HIVEP2: variants seen among roughly 807,000 people sequenced by gnomAD.
HIVEP2 encodes HIVEP zinc finger 2, also known as transcription factor HIVEP2.
A neutral mutation model predicts 180.7 loss-of-function variants in HIVEP2; 14 were observed. That is an observed-to-expected ratio of 0.08 (90% confidence interval 0.05 to 0.12). The LOEUF (loss-of-function observed/expected upper bound fraction) is 0.12. Ranked by LOEUF, HIVEP2 falls within the 10% of genes least tolerant of loss-of-function variation. HIVEP2 has a pLI of 1.00. For missense variants in HIVEP2, 2,579 were observed against 3,008.5 expected (o/e 0.86, Z 3.34); for synonymous variants, 1,184 against 1,136.4 (o/e 1.04, Z -0.84).
intron 1 of HIVEP2, among the ~76,000 whole-genome samples, chr6:142,918,609 C>T (rs1037758526): frequency 6.6e-6 from 1 of 152,194 alleles, no homozygotes; most frequent in Admixed American, 6.5e-5. Context: ...CTCTTCAGAA[C>T]GTGATACCCT....
chr6:142,778,335 G>A (rs981601467), intron 3 of HIVEP2, among the ~76,000 whole-genome samples: 2 of 152,158 alleles, frequency 1.3e-5, no homozygotes, highest in Non-Finnish European at 2.9e-5. Context: ...TAAATTGGCT[G>A]ACTGTGTTTA....
Position 142,769,704 on chromosome 6 carries a change from T to A in HIVEP2, c.5035A>T (p.Asn1679Tyr). The change falls in exon 5 of 10, where the codon AAT (asparagine) becomes TAT (tyrosine). Residue 1679 changes from asparagine to tyrosine, a missense_variant. By Grantham distance (143) the Asn-to-Tyr change is moderately radical (BLOSUM62 -2). This residue lies in a region of HIVEP2 where 349 missense variants were observed against 367.2 expected (regional missense o/e 0.95). Transcript: ENST00000367603. The part of the protein sequence containing the change: ...VYASWCISSC[N>Y]PNPSGLNTKT... ...GTGTTCAATCCTGATGGGTTTGGAT[T>A]ACAGGAACTAATGCACCATGAAGCA... is the stretch of plus-strand genomic sequence containing the variant. The A allele has an allele frequency of 1.2e-6, 2 of 1,614,210 alleles. No individual in the cohort carries two copies. Among genetic ancestry groups the A allele is most frequent in the Non-Finnish European group, 1.7e-6 (2 of 1,180,030 alleles).
intron 2 of HIVEP2, among the ~76,000 whole-genome samples, chr6:142,822,420 G>A (rs1777065313): frequency 6.6e-6 from 1 of 152,188 alleles, no homozygotes; most frequent in Non-Finnish European, 1.5e-5. Flanking sequence ...ATAATTCGGA[G>A]TAGTCATAAT....
At chr6:142,818,450 G>A (rs1190996489) in intron 2 of HIVEP2, among the ~76,000 whole-genome samples, 1 of 152,076 alleles carries the variant, frequency 6.6e-6, no homozygotes, top group Non-Finnish European at 1.5e-5. Context: ...GCCAAAGCGG[G>A]TGGATCACTT....
chr6:142,790,232 C>T (rs1776105030), intron 2 of HIVEP2, among the ~76,000 whole-genome samples: 1 of 152,170 alleles, frequency 6.6e-6, no homozygotes, highest in Admixed American at 6.5e-5. Flanking sequence ...AACACCAACT[C>T]CACAGGCACT....
chr6:142,845,638 C>G (rs1307235239), intron 1 of HIVEP2, among the ~76,000 whole-genome samples: 1 of 152,192 alleles, frequency 6.6e-6, no homozygotes, highest in African/African-American at 2.4e-5. Flanking sequence ...AACAAAGGTT[C>G]AGTTAAGGAA....
chr6:142,757,606 C>G (rs188148251), intron 9 of HIVEP2, among the ~76,000 whole-genome samples: 229 of 152,210 alleles, frequency 1.5e-3, no homozygotes, highest in African/African-American at 5.2e-3. Context: ...TGCAGTAAGC[C>G]AAGGTCGTGC....
At chr6:142,866,896 G>A (rs1005294) in intron 1 of HIVEP2, among the ~76,000 whole-genome samples, 39,737 of 151,934 alleles carry the variant, frequency 0.26, 5,617 homozygotes, top group East Asian at 0.43. Context: ...TATAAAAAGC[G>A]AAAAAGAAAA....
Position 142,760,548 on chromosome 6 carries a change from C to T in HIVEP2, c.5740G>A (p.Asp1914Asn), listed in dbSNP as rs1437613216. The T allele has an allele frequency of 6.2e-7, 1 of 1,613,956 alleles. No homozygotes were observed. Among genetic ancestry groups the T allele is most frequent in the Non-Finnish European group, 8.5e-7 (1 of 1,179,858 alleles). The change falls in exon 9 of 10, where the codon GAT becomes AAT. Residue 1914 changes from aspartate (D) to asparagine (N), a missense_variant. Around this residue, in one of 11 missense-constraint regions of HIVEP2, gnomAD observed 660 missense variants for 731.7 expected, o/e 0.90. Transcript: ENST00000367603. ...TCAAAGTCATCTTCATCTTCATCAT[C>T]ATCATCATTATCATCTCCATCCTCA... ...DGEDGDDNDDDDEDEDDFDDQ... is the reference protein window; with the variant it reads ...DGEDGDDNDDNDEDEDDFDDQ...
At chr6:142,821,271 T>TAA (rs554826339) in intron 2 of HIVEP2, among the ~76,000 whole-genome samples, 1 of 143,986 alleles carries the variant, frequency 6.9e-6, no homozygotes, top group South Asian at 2.2e-4. Flanking sequence ...GGACTACATT[T>TAA]AAAAAAAAAA....
chr6:142,875,622 G>A (rs1462914874), intron 1 of HIVEP2, among the ~76,000 whole-genome samples: 2 of 152,184 alleles, frequency 1.3e-5, no homozygotes, highest in African/African-American at 4.8e-5. Context: ...TGGAGAGAGA[G>A]CCAGAAGTAC....
intron 1 of HIVEP2, among the ~76,000 whole-genome samples, chr6:142,855,941 C>A (rs1775808444): frequency 6.6e-6 from 1 of 152,202 alleles, no homozygotes; most frequent in African/African-American, 2.4e-5. Context: ...CACAAGCTCA[C>A]AGGGCTATGT....
chr6:142,928,799 G>A (rs367601240), intron 1 of HIVEP2, among the ~76,000 whole-genome samples: 1 of 152,080 alleles, frequency 6.6e-6, no homozygotes, highest in Non-Finnish European at 1.5e-5. Context: ...AAAAGCAATC[G>A]CAAACTCTTC....
chr6:142,787,431 C>T (rs1776028305), intron 2 of HIVEP2, among the ~76,000 whole-genome samples: 1 of 151,968 alleles, frequency 6.6e-6, no homozygotes, highest in African/African-American at 2.4e-5. Flanking sequence ...AGACACTTTA[C>T]TCTTATAGTA....
In HIVEP2 at chr6:142,943,780, A is replaced by C. The variant is rs1211769154; in HGVS notation, c.-641+1319T>G. On this transcript the variant is annotated intron_variant, in intron 1 of 9. Transcript: ENST00000367603. This position sits in a 1 kb window ranked among gnomAD's most constrained non-coding sequence, Gnocchi z 4.5. ...AGGCCTAAATAACTCTGCAGAGAAT[A>C]AGGGTTTTGCAATGTCAGTTGCACA... Among the ~76,000 whole-genome samples the C allele has an allele frequency of 5.3e-5, 8 of 152,338 alleles. No homozygotes were observed. The East Asian group carries it at 1.5e-3, about 29-fold the overall frequency.
intron 2 of HIVEP2, among the ~76,000 whole-genome samples, chr6:142,793,632 C>CCTTCTTTCTTTCTT (rs1554279256): frequency 3.0e-5 from 1 of 32,936 alleles, no homozygotes; most frequent in African/African-American, 1.2e-4. Flanking sequence ...CTCTTTCTTT[C>CCTTCTTTCTTTCTT]TTTCTTTCTT....
chr6:142,792,447 A>T (rs939388541), intron 2 of HIVEP2, among the ~76,000 whole-genome samples: 3 of 152,124 alleles, frequency 2.0e-5, no homozygotes, highest in African/African-American at 7.2e-5. Flanking sequence ...CATCATTCTC[A>T]GCAAACTAAC....
intron 1 of HIVEP2, among the ~76,000 whole-genome samples, chr6:142,933,048 AAATTTCTCAC>A (rs1266191246): frequency 1.3e-5 from 2 of 152,198 alleles, no homozygotes; most frequent in Non-Finnish European, 2.9e-5. Context: ...GGAAGAAGTA[AAATTTCTCAC>A]AAAAAGCTCA....
intron 3 of HIVEP2, among the ~76,000 whole-genome samples, chr6:142,779,079 T>C (rs1011721373): frequency 1.3e-4 from 20 of 152,316 alleles, no homozygotes; most frequent in African/African-American, 4.8e-4. Flanking sequence ...GACTGTTTTC[T>C]TTTGTTCTTT....
Sources: allele counts gnomAD v4.1 joint callset (sites outside exome capture counted in the v4.1 genomes callset), GRCh38; gene constraint gnomAD v4.1.1; regional missense constraint gnomAD v4.1.1; non-coding constraint Gnocchi (gnomAD v3.1); transcripts MANE v1.5; gene names NCBI Gene and HGNC (gene_info 2026-07-23, HGNC 2026-07-21).